The following BCAS3 variants were observed in gnomAD, a reference collection of about 807,000 sequenced individuals.
BCAS3 encodes the protein BCAS3 microtubule associated cell migration factor.
In BCAS3, 53 loss-of-function variants were observed where a neutral mutation model predicts 116.1. That is an observed-to-expected ratio of 0.46 (90% CI 0.37 to 0.57). The LOEUF (loss-of-function observed/expected upper bound fraction) is 0.57, where lower values mean the gene tolerates loss of function less well. BCAS3 is among the 20% of genes least tolerant of loss of function. BCAS3 has a pLI of 0.00. For synonymous variants in BCAS3, 391 were observed against 408.2 expected (o/e 0.96, Z 0.51); for missense variants, 917 against 1,165.4 (o/e 0.79, Z 3.10).
rs397835641 is a variant in BCAS3, at chr17:61,355,477, CAA to C, written c.2426-12840_2426-12839del. Among the ~76,000 whole-genome samples, 1 of 148,776 alleles carries C rather than the reference CAA, an allele frequency of 6.7e-6. No individual in the cohort carries two copies. Among genetic ancestry groups the C allele is most frequent in the Non-Finnish European group, 1.5e-5 (1 of 66,970 alleles). On this transcript the variant is annotated intron_variant, in intron 22 of 23. Transcript: ENST00000407086. The surrounding 1 kb of genome is among the most constrained non-coding windows in gnomAD (Gnocchi z 4.2). Reference sequence around the variant, plus strand: ...CTCGCTGGCACTCCAGCCATATTTTCAAAAAAAAAAATTCAGCATGGTAGTTT... The same window carrying C: ...CTCGCTGGCACTCCAGCCATATTTTCAAAAAAAAATTCAGCATGGTAGTTT...
At position 61,251,735 on chromosome 17, in the gene BCAS3, A is replaced by C. The variant is rs142989187; in HGVS notation, c.2426-116592A>C. Reference sequence around the variant, plus strand: ...TCTGCAGATAATCTGGCCCCCATAAAAAAGCAATAGCAACTGGGAAAAGGC... The same window carrying C: ...TCTGCAGATAATCTGGCCCCCATAACAAAGCAATAGCAACTGGGAAAAGGC... On this transcript the variant is annotated intron_variant, in intron 22 of 23. Coordinates refer to ENST00000407086, the MANE Select transcript of BCAS3 (RefSeq NM_017679.5). The surrounding 1 kb of genome is among the most constrained non-coding windows in gnomAD (Gnocchi z 4.7). Among the ~76,000 whole-genome samples the C allele has an allele frequency of 6.6e-6, 1 of 152,214 alleles. No homozygotes were observed. The highest frequency in any genetic ancestry group is 2.1e-4 in the South Asian group (1 of 4,834).
intron 5 of BCAS3, among the ~76,000 whole-genome samples, chr17:60,710,008 G>T (rs1260967470): frequency 6.6e-6 from 1 of 151,962 alleles, no homozygotes; most frequent in African/African-American, 2.4e-5. Flanking sequence ...ATTGAGATGG[G>T]GTCTGGCTGT....
At chr17:60,800,347 C>T (rs2047662409) in intron 6 of BCAS3, among the ~76,000 whole-genome samples, 1 of 152,164 alleles carries the variant, frequency 6.6e-6, no homozygotes, top group Admixed American at 6.6e-5. Context: ...TCTTAATTTA[C>T]ATTTCCCTAA....
At chr17:60,904,335 C>A (rs982337700) in intron 11 of BCAS3, among the ~76,000 whole-genome samples, 1 of 151,944 alleles carries the variant, frequency 6.6e-6, no homozygotes, top group African/African-American at 2.4e-5. Context: ...ACCCAGGAGG[C>A]GGAGGTTTCA....
At chr17:61,384,413 C>A (rs917102708) in intron 23 of BCAS3, 1 of 152,294 alleles carries the variant, frequency 6.6e-6, no homozygotes, top group Non-Finnish European at 1.5e-5. Flanking sequence ...GAGCCGTACA[C>A]GCCCAGTGAG....
intron 22 of BCAS3, chr17:61,135,755 T>C (rs767022492): frequency 1.3e-5 from 2 of 152,202 alleles, no homozygotes; most frequent in Non-Finnish European, 2.9e-5. Flanking sequence ...ATAAATAAGT[T>C]TTAATGCAAC....
Position 61,104,926 on chromosome 17 carries a change from G to A in BCAS3, c.2425+20362G>A, listed in dbSNP as rs1184657689. Among the ~76,000 whole-genome samples, 3 of 152,126 alleles carry A rather than the reference G, an allele frequency of 2.0e-5. No individual in the cohort carries two copies. The highest frequency in any genetic ancestry group is 7.2e-5 in the African/African-American group (3 of 41,428). On this transcript the variant is annotated intron_variant, in intron 22 of 23. Coordinates refer to ENST00000407086, the MANE Select transcript of BCAS3 (RefSeq NM_017679.5). The surrounding 1 kb of genome is among the most constrained non-coding windows in gnomAD (Gnocchi z 4.1). Reference sequence around the variant, plus strand: ...AGTAGTGTCTTTTGCTAGTGTACCAGGTTGTTTAATAAAACTAGGAATAGC... The same window carrying A: ...AGTAGTGTCTTTTGCTAGTGTACCAAGTTGTTTAATAAAACTAGGAATAGC...
At chr17:61,096,366 A>G in intron 22 of BCAS3, among the ~76,000 whole-genome samples, 1 of 152,170 alleles carries the variant, frequency 6.6e-6, no homozygotes, top group Middle Eastern at 3.2e-3. Flanking sequence ...AGCCTGGGCA[A>G]TATAGTCAGA....
chr17:61,251,732 T>TA lies in BCAS3; in HGVS notation c.2426-116589dup, dbSNP rs1181076669. Reference sequence around the variant, plus strand: ...ATCTCTGCAGATAATCTGGCCCCCATAAAAAAGCAATAGCAACTGGGAAAA... The same window carrying TA: ...ATCTCTGCAGATAATCTGGCCCCCATAAAAAAAGCAATAGCAACTGGGAAAA... On this transcript the variant is annotated intron_variant, in intron 22 of 23. Coordinates refer to ENST00000407086, the MANE Select transcript of BCAS3 (RefSeq NM_017679.5). The surrounding 1 kb of genome is among the most constrained non-coding windows in gnomAD (Gnocchi z 4.7). Among the ~76,000 whole-genome samples, 1 of 152,144 alleles carries TA rather than the reference T, an allele frequency of 6.6e-6. No individual in the cohort carries two copies. Among genetic ancestry groups the TA allele is most frequent in the African/African-American group, 2.4e-5 (1 of 41,426 alleles).
chr17:61,247,820 G>T (rs1365296981), intron 22 of BCAS3, among the ~76,000 whole-genome samples: 2 of 152,158 alleles, frequency 1.3e-5, no homozygotes, highest in Non-Finnish European at 2.9e-5. Flanking sequence ...CCGCCTCTAG[G>T]TTCCTTGGAT....
At chr17:61,236,462 G>C (rs1486374620) in intron 22 of BCAS3, among the ~76,000 whole-genome samples, 2 of 152,138 alleles carry the variant, frequency 1.3e-5, no homozygotes, top group African/African-American at 4.8e-5. Flanking sequence ...TGGGACTATA[G>C]GCACCCGCCA....
chr17:61,070,146 C>A (rs755133497), intron 19 of BCAS3: 3 of 1,567,288 alleles, frequency 1.9e-6, no homozygotes, highest in East Asian at 2.2e-5. Context: ...AGACAGAAGA[C>A]AACAACACAC....
Position 61,249,414 on chromosome 17 carries a change from G to T in BCAS3, c.2426-118913G>T, listed in dbSNP as rs1321988684. On this transcript the variant is annotated intron_variant, in intron 22 of 23. Coordinates refer to ENST00000407086, the MANE Select transcript of BCAS3 (RefSeq NM_017679.5). This position sits in a 1 kb window ranked among gnomAD's most constrained non-coding sequence, Gnocchi z 6.2. ...CCAGAGCAGAGCACTCCTTAAACTA[G>T]GATGAGAAAAGTTAATTTTAATCCT... 6.6e-6 allele frequency among the ~76,000 whole-genome samples: 1 copy of T among 152,134 alleles called. No homozygotes were observed. The highest frequency in any genetic ancestry group is 1.9e-4 in the East Asian group (1 of 5,206).
chr17:60,938,228 G>A (rs1206865068), intron 13 of BCAS3, among the ~76,000 whole-genome samples: 1 of 152,122 alleles, frequency 6.6e-6, no homozygotes, highest in Admixed American at 6.5e-5. Context: ...ACCTAAAATA[G>A]CCAAATCAAT....
intron 7 of BCAS3, among the ~76,000 whole-genome samples, chr17:60,835,545 A>C (rs1253089843): frequency 1.3e-5 from 2 of 151,982 alleles, no homozygotes; most frequent in Non-Finnish European, 1.5e-5. Flanking sequence ...AAACATTTCC[A>C]CTGGTAGTTT....
intron 7 of BCAS3, among the ~76,000 whole-genome samples, chr17:60,829,706 C>G (rs939668984): frequency 1.3e-5 from 2 of 151,990 alleles, no homozygotes; most frequent in African/African-American, 2.4e-5. Flanking sequence ...CTATCTTCTT[C>G]TATCTTATTA....
intron 22 of BCAS3, among the ~76,000 whole-genome samples, chr17:61,254,504 C>T (rs529107127): frequency 5.0e-4 from 76 of 151,920 alleles, no homozygotes; most frequent in Middle Eastern, 3.4e-3. Context: ...TATGGCGGGG[C>T]GCGGTGGCTC....
In BCAS3 at chr17:60,699,848, G is replaced by A. The variant is rs536981536; in HGVS notation, c.215-9371G>A. Reference sequence around the variant, plus strand: ...ACTGCACTCCAGCCTGGGCGACAGAGCAAGACTCCGTCTCAAAAAAAAAAA... The same window carrying A: ...ACTGCACTCCAGCCTGGGCGACAGAACAAGACTCCGTCTCAAAAAAAAAAA... On this transcript the variant is annotated intron_variant, in intron 4 of 23. Transcript: ENST00000407086. Among the ~76,000 whole-genome samples the A allele has an allele frequency of 6.3e-5, 9 of 142,426 alleles. No homozygotes were observed. In the South Asian group the frequency reaches 1.6e-3, roughly 25 times the overall value. 93.4% of individuals were successfully genotyped at this position (142,426 alleles called of 152,430 possible). A position where few individuals can be genotyped will look rare whatever the true frequency, so the allele number is the denominator to read the frequency against.
intron 22 of BCAS3, among the ~76,000 whole-genome samples, chr17:61,093,159 C>T (rs1318976468): frequency 6.6e-6 from 1 of 152,130 alleles, no homozygotes; most frequent in Non-Finnish European, 1.5e-5. Context: ...CTGCCTGCCT[C>T]GGCCTCCCAA....
Sources: allele counts gnomAD v4.1 joint callset (sites outside exome capture counted in the v4.1 genomes callset), GRCh38; gene constraint gnomAD v4.1.1; non-coding constraint Gnocchi (gnomAD v3.1); transcripts MANE v1.5; gene names NCBI Gene and HGNC (gene_info 2026-07-23, HGNC 2026-07-21).